The following DLC1 variants were observed in gnomAD, a reference collection of about 807,000 sequenced individuals.
DLC1 encodes rho GTPase-activating protein 7.
Under a neutral mutation model 140.3 loss-of-function variants are expected in DLC1, and 54 were observed. The ratio of observed to expected loss-of-function variants is 0.38; its 90% CI spans 0.31 to 0.48. The LOEUF is 0.48. DLC1 is among the 20% of genes least tolerant of loss of function. The probability of loss-of-function intolerance (pLI) is 0.96; values close to 1 mark genes in which losing one functional copy is unlikely to be tolerated. For missense variants in DLC1, 2,536 were observed against 1,907.0 expected (o/e 1.33, Z -6.14); for synonymous variants, 986 against 728.1 (o/e 1.35, Z -5.70).
intron 1 of DLC1, among the ~76,000 whole-genome samples, chr8:13,576,919 G>A (rs1338811910): frequency 1.3e-5 from 2 of 151,902 alleles, no homozygotes; most frequent in African/African-American, 4.9e-5. Flanking sequence ...CTGAACAGAG[G>A]AACATATTAG....
In DLC1 at chr8:13,232,154, A is replaced by G. The variant is rs573894597; in HGVS notation, c.1348+73115T>C. On this transcript the variant is annotated intron_variant, in intron 5 of 17. Transcript: ENST00000276297. ...ACAATTTAGGGTCAGTGGCAAAACAATGTCACGAAGGGAATGATCAGGCTT... is the reference window on the plus strand; with the variant it reads ...ACAATTTAGGGTCAGTGGCAAAACAGTGTCACGAAGGGAATGATCAGGCTT... Among the ~76,000 whole-genome samples the G allele has an allele frequency of 6.8e-4, 103 of 152,218 alleles. No individual in the cohort carries two copies. In the South Asian group the frequency reaches 8.5e-3, roughly 13 times the overall value.
intron 5 of DLC1, chr8:13,214,714 G>T: frequency 1.3e-6 from 1 of 780,942 alleles, no homozygotes; most frequent in South Asian, 1.3e-5. Flanking sequence ...TTCCGAGTTG[G>T]AAAAATTGGA....
intron 5 of DLC1, chr8:13,133,337 C>T: frequency 1.7e-6 from 2 of 1,159,546 alleles, no homozygotes; most frequent in Non-Finnish European, 2.1e-6. Context: ...GGCCCACCCC[C>T]CGAGGGGCGG....
intron 1 of DLC1, among the ~76,000 whole-genome samples, chr8:13,572,434 G>A (rs1241176686): frequency 6.6e-6 from 1 of 151,816 alleles, no homozygotes; most frequent in East Asian, 1.9e-4. Context: ...TTGTTCTGTG[G>A]GTTTTTCAGT....
At chr8:13,304,482 G>A (rs1586101089) in intron 5 of DLC1, 2 of 201,860 alleles carry the variant, frequency 9.9e-6, no homozygotes, top group Non-Finnish European at 1.8e-5. Context: ...AAACACCCCC[G>A]CCAGACAAAC....
At chr8:13,552,203 G>GTATATATATACCTGTCTAGACAGATATA (rs1803891763) in intron 1 of DLC1, among the ~76,000 whole-genome samples, 1 of 138,218 alleles carries the variant, frequency 7.2e-6, no homozygotes, top group Non-Finnish European at 1.5e-5. Context: ...GTCTAGAGGT[G>GTATATATATACCTGTCTAGACAGATATA]TATATATATA....
intron 2 of DLC1, among the ~76,000 whole-genome samples, chr8:13,495,551 T>C (rs34266980): frequency 2.6e-5 from 4 of 152,178 alleles, no homozygotes; most frequent in Non-Finnish European, 5.9e-5. Flanking sequence ...TCATCCTATT[T>C]AGAGGAATTA....
Position 13,120,356 on chromosome 8 carries a change from A to AAAAAAAAAAATATATATATATAT in DLC1, c.1349-4700_1349-4699insATATATATATATATTTTTTTTTT. Among the ~76,000 whole-genome samples the AAAAAAAAAAATATATATATATAT allele has an allele frequency of 5.1e-3, 311 of 60,864 alleles. 9 individuals carry two copies. Among genetic ancestry groups the AAAAAAAAAAATATATATATATAT allele is most frequent in the Middle Eastern group, 0.012 (1 of 84 alleles). 39.9% of individuals were successfully genotyped at this position (60,864 alleles called of 152,430 possible). On this transcript the variant is annotated intron_variant, in intron 5 of 17. Coordinates refer to ENST00000276297, the MANE Select transcript of DLC1 (RefSeq NM_182643.3). ...AGACTCCGTCGCAAAAAAAAAAAAA[A>AAAAAAAAAAATATATATATATAT]ATATATATATATATAAAATGTATAT...
chr8:13,102,999 T>C, intron 7 of DLC1, 146 bp from the exon 8 acceptor site: 5 of 682,138 alleles, frequency 7.3e-6, no homozygotes, highest in Non-Finnish European at 1.2e-5. Context: ...TAGAAACTTA[T>C]TTAAAAAGTG....
intron 1 of DLC1, among the ~76,000 whole-genome samples, chr8:13,580,398 G>C (rs1805051461): frequency 6.6e-6 from 1 of 152,214 alleles, no homozygotes. Flanking sequence ...TGGGATTACA[G>C]GCGTGAGCCA....
At position 13,385,108 on chromosome 8, in the gene DLC1, T is replaced by A. The variant is rs556821573; in HGVS notation, c.1314+8445A>T. ...AGTTTTGGGGGTGCCCTAGAGTGCA[T>A]GGTGGGAGCGGCCCTGATTTATTTG... is the stretch of plus-strand genomic sequence containing the variant. On this transcript the variant is annotated intron_variant, in intron 4 of 17. Coordinates refer to ENST00000276297, the MANE Select transcript of DLC1 (RefSeq NM_182643.3). 2.6e-5 allele frequency among the ~76,000 whole-genome samples: 4 copies of A among 152,182 alleles called. No individual in the cohort carries two copies. In the East Asian group the frequency reaches 7.7e-4, roughly 29 times the overall value.
In DLC1 at chr8:13,252,449, G is replaced by T. The variant is rs148768975; in HGVS notation, c.1348+52820C>A. On this transcript the variant is annotated intron_variant, in intron 5 of 17. Transcript: ENST00000276297. The stretch of plus-strand genomic sequence containing the variant: ...AAGAAGCTTAACATGAACCATCAGT[G>T]CGGTATAGGTGATACAAAGACAACA... Among the ~76,000 whole-genome samples, 47 of 152,260 alleles carry T rather than the reference G, an allele frequency of 3.1e-4. No individual in the cohort carries two copies. The East Asian group carries it at 9.1e-3, about 29-fold the overall frequency.
chr8:13,404,814 A>G (rs1323009581), intron 2 of DLC1, among the ~76,000 whole-genome samples: 1 of 152,242 alleles, frequency 6.6e-6, no homozygotes, highest in East Asian at 1.9e-4. Flanking sequence ...CCTGGCCAAC[A>G]TGGTGAAACC....
intron 5 of DLC1, among the ~76,000 whole-genome samples, chr8:13,246,177 T>C (rs1829756105): frequency 6.6e-6 from 1 of 152,196 alleles, no homozygotes; most frequent in African/African-American, 2.4e-5. Flanking sequence ...TAGAGGCTGT[T>C]TGCAATAATG....
chr8:13,294,682 C>T (rs557100871), intron 5 of DLC1, among the ~76,000 whole-genome samples: 1 of 151,932 alleles, frequency 6.6e-6, no homozygotes, highest in African/African-American at 2.4e-5. Flanking sequence ...AAGGGTAAGG[C>T]CAGATTACGG....
chr8:13,287,798 C>CATGGA lies in DLC1; in HGVS notation c.1348+17466_1348+17470dup, dbSNP rs112971660. Among the ~76,000 whole-genome samples the CATGGA allele has an allele frequency of 8.3e-3, 1,253 of 151,432 alleles. 17 individuals are homozygous for CATGGA. Among genetic ancestry groups the CATGGA allele is most frequent in the African/African-American group, 0.029 (1,178 of 41,326 alleles). On this transcript the variant is annotated intron_variant, in intron 5 of 17. Transcript: ENST00000276297. ...AATATTCAAAGATAAAGAAAGGATACATGGAGAAAGGAAATAAAACAGGCA... is the reference window on the plus strand; with the variant it reads ...AATATTCAAAGATAAAGAAAGGATACATGGAATGGAGAAAGGAAATAAAACAGGCA...
At chr8:13,112,010 G>C (rs1054152261) in intron 6 of DLC1, among the ~76,000 whole-genome samples, 5 of 152,060 alleles carry the variant, frequency 3.3e-5, no homozygotes, top group Non-Finnish European at 5.9e-5. Flanking sequence ...ATTTTACTGG[G>C]CATGGTGGCA....
At chr8:13,584,103 C>G (rs1805218908) in intron 1 of DLC1, 1 of 153,012 alleles carries the variant, frequency 6.5e-6, no homozygotes, top group African/African-American at 2.4e-5. Flanking sequence ...TCAGCAGGTT[C>G]TTTGCTTTGT....
chr8:13,272,341 G>T (rs1025398920), intron 5 of DLC1, among the ~76,000 whole-genome samples: 1 of 152,140 alleles, frequency 6.6e-6, no homozygotes, highest in African/African-American at 2.4e-5. Flanking sequence ...CCAGCTACTC[G>T]AGAGGCTGGG....
Sources: gnomAD v4.1 joint callset for allele counts (sites outside exome capture counted in the v4.1 genomes callset) on GRCh38, gnomAD v4.1.1 for gene constraint, MANE v1.5 for transcripts, NCBI Gene and HGNC (gene_info 2026-07-23, HGNC 2026-07-21) for gene names.